Variants in CDKAL1 observed in about 807,000 individuals in gnomAD.
CDKAL1 encodes the protein threonylcarbamoyladenosine tRNA methylthiotransferase.
Under a neutral mutation model 68.2 loss-of-function variants are expected in CDKAL1, and 32 were observed. The ratio of observed to expected loss-of-function variants is 0.47; its 90% CI spans 0.35 to 0.63. The LOEUF is 0.63. Ranked by LOEUF, CDKAL1 falls within the 30% of genes least tolerant of loss-of-function variation. The pLI is 0.00. For missense variants in CDKAL1, 606 were observed against 696.7 expected (o/e 0.87, Z 1.47); for synonymous variants, 234 against 244.3 (o/e 0.96, Z 0.39).
intron 8 of CDKAL1, among the ~76,000 whole-genome samples, chr6:20,809,586 C>CT (rs1459670603): frequency 1.3e-5 from 2 of 151,872 alleles, no homozygotes; most frequent in Admixed American, 6.6e-5. Flanking sequence ...TACTTTTTTC[C>CT]TTTTTTTTCT....
intron 15 of CDKAL1, among the ~76,000 whole-genome samples, chr6:21,205,897 C>G (rs9366390): frequency 5.9e-5 from 7 of 117,872 alleles, no homozygotes; most frequent in African/African-American, 2.5e-4. Flanking sequence ...TGCAGTGGCG[C>G]GATCTTGGCT....
chr6:20,654,406 G>A (rs889415304), intron 5 of CDKAL1, among the ~76,000 whole-genome samples: 6 of 151,246 alleles, frequency 4.0e-5, no homozygotes, highest in African/African-American at 1.5e-4. Flanking sequence ...CCCAATTGTG[G>A]CTTATCTTTT....
rs116013123 is a variant in CDKAL1, at chr6:21,148,728, A to T, written c.1299+40265A>T. Reference sequence around the variant, plus strand: ...AGTTTTAAAGCATCTGTAATTTCAAAGAGTGATAGTATATTGATTAAAAAG... The same window carrying T: ...AGTTTTAAAGCATCTGTAATTTCAATGAGTGATAGTATATTGATTAAAAAG... On this transcript the variant is annotated intron_variant, in intron 13 of 15. Coordinates refer to ENST00000274695, the MANE Select transcript of CDKAL1 (RefSeq NM_017774.3). Among the ~76,000 whole-genome samples the T allele has an allele frequency of 7.6e-3, 1,153 of 152,292 alleles. 20 individuals are homozygous for T. Among genetic ancestry groups the T allele is most frequent in the African/African-American group, 0.025 (1,039 of 41,564 alleles).
At chr6:21,115,603 G>T (rs1489375473) in intron 13 of CDKAL1, among the ~76,000 whole-genome samples, 1 of 152,192 alleles carries the variant, frequency 6.6e-6, no homozygotes, top group African/African-American at 2.4e-5. Flanking sequence ...AAATAAAAAA[G>T]TGTTTAAAAA....
intron 5 of CDKAL1, among the ~76,000 whole-genome samples, chr6:20,733,386 T>C (rs1773044369): frequency 6.6e-6 from 1 of 152,176 alleles, no homozygotes; most frequent in South Asian, 2.1e-4. Flanking sequence ...CATGAACAAA[T>C]TGTAGAATGA....
chr6:20,819,546 C>A (rs1284803625), intron 8 of CDKAL1, among the ~76,000 whole-genome samples: 2 of 151,432 alleles, frequency 1.3e-5, no homozygotes, highest in African/African-American at 2.4e-5. Context: ...TTACGTCACA[C>A]CTTTAGTGAC....
chr6:21,226,091 C>T (rs1189615186), intron 15 of CDKAL1, among the ~76,000 whole-genome samples: 2 of 152,200 alleles, frequency 1.3e-5, no homozygotes, highest in African/African-American at 4.8e-5. Context: ...CTTACTGCTC[C>T]TAGAACCGGT....
chr6:21,156,649 T>C (rs970884409), intron 13 of CDKAL1, among the ~76,000 whole-genome samples: 8 of 152,080 alleles, frequency 5.3e-5, no homozygotes, highest in Admixed American at 5.2e-4. Context: ...TGAAAGGAAT[T>C]GAAACGGGAA....
intron 2 of CDKAL1, among the ~76,000 whole-genome samples, chr6:20,542,842 C>T (rs982145797): frequency 6.6e-6 from 1 of 151,872 alleles, no homozygotes; most frequent in African/African-American, 2.4e-5. Context: ...TTCTTTAATC[C>T]CTGGCAACTA....
chr6:21,080,484 G>C (rs1772327903), intron 12 of CDKAL1, among the ~76,000 whole-genome samples: 1 of 152,192 alleles, frequency 6.6e-6, no homozygotes, highest in Non-Finnish European at 1.5e-5. Context: ...AGTGTCACCA[G>C]TAAGAACTCT....
intron 5 of CDKAL1, among the ~76,000 whole-genome samples, chr6:20,659,293 A>G (rs2127769314): frequency 6.6e-6 from 1 of 152,290 alleles, no homozygotes; most frequent in East Asian, 1.9e-4. Context: ...TTAAACTTAG[A>G]TATTTTAATT....
At chr6:20,891,779 C>T (rs1212795938) in intron 9 of CDKAL1, among the ~76,000 whole-genome samples, 14 of 152,106 alleles carry the variant, frequency 9.2e-5, no homozygotes, top group African/African-American at 3.4e-4. Flanking sequence ...GTGATCCACC[C>T]GCCTTGGCCT....
chr6:21,035,204 A>C (rs762734914), intron 11 of CDKAL1, among the ~76,000 whole-genome samples: 3 of 152,136 alleles, frequency 2.0e-5, no homozygotes, highest in Non-Finnish European at 4.4e-5. Context: ...TGTATAATCA[A>C]ATATTGCTTT....
At chr6:21,142,646 T>A (rs1408817079) in intron 13 of CDKAL1, among the ~76,000 whole-genome samples, 2 of 152,214 alleles carry the variant, frequency 1.3e-5, no homozygotes, top group Non-Finnish European at 2.9e-5. Context: ...ACATGAGCAG[T>A]GTTGTTGACA....
At chr6:20,588,534 G>A (rs898917903) in intron 4 of CDKAL1, among the ~76,000 whole-genome samples, 2 of 152,146 alleles carry the variant, frequency 1.3e-5, no homozygotes, top group African/African-American at 4.8e-5. Context: ...AGGCATCTTC[G>A]ATTACAGAAT....
chr6:20,728,368 A>G (rs1473801290), intron 5 of CDKAL1, among the ~76,000 whole-genome samples: 2 of 152,204 alleles, frequency 1.3e-5, no homozygotes, highest in Non-Finnish European at 2.9e-5. Context: ...TACTCCAGAA[A>G]TTTTTATGGA....
intron 8 of CDKAL1, among the ~76,000 whole-genome samples, chr6:20,821,180 A>T (rs1266910281): frequency 6.6e-6 from 1 of 152,120 alleles, no homozygotes; most frequent in Non-Finnish European, 1.5e-5. Flanking sequence ...TTTATTCATC[A>T]TGCAATGGGA....
chr6:20,907,694 G>A (rs1020207517), intron 9 of CDKAL1, among the ~76,000 whole-genome samples: 2 of 152,082 alleles, frequency 1.3e-5, no homozygotes, highest in Non-Finnish European at 2.9e-5. Context: ...GCTGAGTGGC[G>A]GCGGGAGGGC....
chr6:20,777,173 C>G (rs1775206514), intron 7 of CDKAL1, among the ~76,000 whole-genome samples: 1 of 152,146 alleles, frequency 6.6e-6, no homozygotes, highest in Non-Finnish European at 1.5e-5. Context: ...GCAGCAGAAA[C>G]TGGAATGGGC....
Sources: gnomAD v4.1 joint callset for allele counts (sites outside exome capture counted in the v4.1 genomes callset) on GRCh38, gnomAD v4.1.1 for gene constraint, MANE v1.5 for transcripts, NCBI Gene and HGNC (gene_info 2026-07-23, HGNC 2026-07-21) for gene names.